Variants in PDE6H observed in about 807,000 individuals in gnomAD.
PDE6H encodes the protein phosphodiesterase 6H, also known as retinal cone rhodopsin-sensitive cGMP 3',5'-cyclic phosphodiesterase subunit gamma.
In PDE6H, 11 loss-of-function variants were observed where a neutral mutation model predicts 9.2. That is an observed-to-expected ratio of 1.19 (90% CI 0.75 to 1.97). PDE6H has a LOEUF of 1.97. Ranked by LOEUF, PDE6H falls within the 30% of genes most tolerant of loss-of-function variation. PDE6H has a pLI of 0.00. For missense variants in PDE6H, 98 were observed against 101.5 expected, an observed-to-expected ratio of 0.97 and a Z score of 0.15; for synonymous variants, 36 against 33.6, an observed-to-expected ratio of 1.07 and a Z score of -0.25.
chr12:14,976,546 T>C (rs77392161), intron 1 of PDE6H, among the ~76,000 whole-genome samples: 10,435 of 152,024 alleles, frequency 0.069, 648 homozygotes, highest in East Asian at 0.2. Context: ...TAGCATAGGC[T>C]GGTGTGATGG....
At chr12:14,973,619 AT>A (rs891621078) in intron 1 of PDE6H, among the ~76,000 whole-genome samples, 45 of 149,758 alleles carry the variant, frequency 3.0e-4, no homozygotes, top group East Asian at 9.8e-4. Flanking sequence ...AATTTTGGTA[AT>A]TTTTTTTTTA....
intron 1 of PDE6H, among the ~76,000 whole-genome samples, chr12:14,975,259 G>GA (rs140993618): frequency 2.0e-5 from 3 of 151,030 alleles, no homozygotes; most frequent in African/African-American, 4.9e-5. Context: ...TTGAATTCCA[G>GA]AAAAAAAATG....
In PDE6H at chr12:14,981,390, T is replaced by C; in HGVS notation, c.176-10T>C. The C allele has an allele frequency of 1.9e-6, 3 of 1,591,292 alleles. No individual in the cohort carries two copies. The highest frequency in any genetic ancestry group is 2.6e-6 in the Non-Finnish European group (3 of 1,159,328). On this transcript the variant is annotated splice_polypyrimidine_tract_variant and intron_variant, in intron 3 of 3. Transcript: ENST00000266395. ...GGTTGGCTTACGTGCTCTTCTTCCATCTCTTGCAGATATCACAGTGATTTG... is the reference window on the plus strand; with the variant it reads ...GGTTGGCTTACGTGCTCTTCTTCCACCTCTTGCAGATATCACAGTGATTTG...
chr12:14,980,071 A>T (rs937115179), intron 3 of PDE6H, among the ~76,000 whole-genome samples: 9 of 152,180 alleles, frequency 5.9e-5, no homozygotes, highest in Non-Finnish European at 1.2e-4. Flanking sequence ...CCATTATAGT[A>T]CATATTGCAG....
Position 14,979,066 on chromosome 12 carries a change from A to G in PDE6H, c.135-113A>G, listed in dbSNP as rs186199614. 2.9e-5 allele frequency: 22 copies of G among 751,860 alleles called. No individual in the cohort carries two copies. The African/African-American group carries it at 3.3e-4, about 11-fold the overall frequency. The allele number at this position is 751,860 out of a possible 1,614,324, so 46.6% of individuals were successfully genotyped here. A position where few individuals can be genotyped will look rare whatever the true frequency, so the allele number is the denominator to read the frequency against. On this transcript the variant is annotated intron_variant, in intron 2 of 3. Transcript: ENST00000266395. ...CAAACTAAAGGAGTTTCTCACATACAAACACTTAAACCTCTCCTTCTTCCC... is the reference window on the plus strand; with the variant it reads ...CAAACTAAAGGAGTTTCTCACATACGAACACTTAAACCTCTCCTTCTTCCC...
chr12:14,979,151 C>T (rs764955537), intron 2 of PDE6H, 28 bp from the exon 3 acceptor site: 3 of 1,557,694 alleles, frequency 1.9e-6, no homozygotes, highest in Non-Finnish European at 1.8e-6. Flanking sequence ...CTAATCTCAG[C>T]TAATTTCTCC....
intron 1 of PDE6H, among the ~76,000 whole-genome samples, chr12:14,973,833 A>G (rs535684174): frequency 6.6e-6 from 1 of 152,298 alleles, no homozygotes; most frequent in South Asian, 2.1e-4. Context: ...GTGTAAGGTG[A>G]TAACAGCAGC....
chr12:14,975,957 A>G (rs1864588140), intron 1 of PDE6H, among the ~76,000 whole-genome samples: 1 of 151,524 alleles, frequency 6.6e-6, no homozygotes, highest in African/African-American at 2.4e-5. Flanking sequence ...AGTAGCTGGG[A>G]CTACAGGTGC....
intron 3 of PDE6H, 144 bp from the exon 4 acceptor site, chr12:14,981,256 A>T (rs1437176929): frequency 1.3e-6 from 1 of 753,818 alleles, no homozygotes; most frequent in Non-Finnish European, 2.4e-6. Context: ...TTCCTGGGCC[A>T]CAGGGCCACG....
rs2120826281 is a variant in PDE6H, at chr12:14,977,982, G to A, written c.-31G>A. On this transcript the variant is annotated 5_prime_UTR_variant, in exon 2 of 4. Coordinates refer to ENST00000266395, the MANE Select transcript of PDE6H (RefSeq NM_006205.3). ...CTTTCACTGTCTAAGGAGGCTGAAA[G>A]GGAAACATCAGCCGCCCGGGGGGAG... 1 of 1,609,794 alleles carries A rather than the reference G, an allele frequency of 6.2e-7. No individual in the cohort carries two copies. The highest frequency in any genetic ancestry group is 8.5e-7 in the Non-Finnish European group (1 of 1,177,024).
chr12:14,979,168 C>A lies in PDE6H; in HGVS notation c.135-11C>A. ...AATCTCAGCTAATTTCTCCTTTATT[C>A]TTTTCCATAGATTTGGAGATGACAT... On this transcript the variant is annotated splice_polypyrimidine_tract_variant and intron_variant, in intron 2 of 3. Transcript: ENST00000266395. The A allele has an allele frequency of 6.3e-7, 1 of 1,597,794 alleles. No homozygotes were observed. Among genetic ancestry groups the A allele is most frequent in the Non-Finnish European group, 8.6e-7 (1 of 1,165,470 alleles).
chr12:14,979,472 G>A (rs1050687898), intron 3 of PDE6H, among the ~76,000 whole-genome samples: 2 of 152,140 alleles, frequency 1.3e-5, no homozygotes, highest in Non-Finnish European at 2.9e-5. Context: ...ACCTTTGAGG[G>A]CATACAATGA....
At chr12:14,978,763 C>T (rs1036905164) in intron 2 of PDE6H, among the ~76,000 whole-genome samples, 1 of 152,158 alleles carries the variant, frequency 6.6e-6, no homozygotes, top group Non-Finnish European at 1.5e-5. Flanking sequence ...TTCTTCTTAA[C>T]TCTCTGTGCT....
Position 14,981,547 on chromosome 12 carries a change from C to T in PDE6H, c.*71C>T, listed in dbSNP as rs144778897. 3.8e-4 allele frequency: 383 copies of T among 1,011,844 alleles called. 3 individuals carry two copies. In the African/African-American group the frequency reaches 4.6e-3, roughly 12 times the overall value. 62.7% of individuals were successfully genotyped at this position (1,011,844 alleles called of 1,614,324 possible). A position where few individuals can be genotyped will look rare whatever the true frequency, so the allele number is the denominator to read the frequency against. On this transcript the variant is annotated 3_prime_UTR_variant, in exon 4 of 4. Transcript: ENST00000266395. ...GGTTGCTTTTGCCCTGTTGATCTGC[C>T]GGAGTCTTGAAATTCAGCTGATTGG...
intron 1 of PDE6H, among the ~76,000 whole-genome samples, chr12:14,973,969 A>T (rs114710635): frequency 2.9e-3 from 437 of 152,284 alleles, no homozygotes; most frequent in African/African-American, 0.01. Context: ...ACAAATCTTT[A>T]ACTTTGTTAA....
At chr12:14,974,401 C>G (rs1436308783) in intron 1 of PDE6H, among the ~76,000 whole-genome samples, 2 of 152,128 alleles carry the variant, frequency 1.3e-5, no homozygotes, top group Non-Finnish European at 2.9e-5. Context: ...AGGGATTAGT[C>G]GACTGTTCCG....
rs907024018 is a variant in PDE6H, at chr12:14,981,623, G to A, written c.*147G>A. ...CATTCCCTATCAGTTACTACTAAGA[G>A]TTCTCTTACTGTCAGAATCTCTCTT... On this transcript the variant is annotated 3_prime_UTR_variant, in exon 4 of 4. Coordinates refer to ENST00000266395, the MANE Select transcript of PDE6H (RefSeq NM_006205.3). 65 of 697,232 alleles carry A rather than the reference G, an allele frequency of 9.3e-5. No individual in the cohort carries two copies. Among genetic ancestry groups the A allele is most frequent in the Non-Finnish European group, 1.5e-4 (57 of 381,182 alleles). 43.2% of individuals were successfully genotyped at this position (697,232 alleles called of 1,614,324 possible).
intron 1 of PDE6H, among the ~76,000 whole-genome samples, chr12:14,976,045 C>A (rs1409141641): frequency 6.6e-6 from 1 of 152,108 alleles, no homozygotes; most frequent in East Asian, 1.9e-4. Context: ...TGGTCTTGAT[C>A]TCCTGACCTC....
intron 1 of PDE6H, among the ~76,000 whole-genome samples, chr12:14,973,674 T>A (rs1471532522): frequency 6.6e-6 from 1 of 152,206 alleles, no homozygotes; most frequent in Non-Finnish European, 1.5e-5. Flanking sequence ...ATTATTGATT[T>A]TCTCTGCCTC....
Sources: allele counts gnomAD v4.1 joint callset (sites outside exome capture counted in the v4.1 genomes callset), GRCh38; gene constraint gnomAD v4.1.1; transcripts MANE v1.5; gene names NCBI Gene and HGNC (gene_info 2026-07-23, HGNC 2026-07-21).